SLC44A5: variants seen among roughly 807,000 people sequenced by gnomAD.
SLC44A5 encodes choline transporter-like protein 5.
Under a neutral mutation model 101.8 loss-of-function variants are expected in SLC44A5, and 57 were observed. That is an observed-to-expected ratio of 0.56 (90% confidence interval 0.45 to 0.70). SLC44A5 has a LOEUF of 0.70. Ranked by LOEUF, SLC44A5 falls within the 30% of genes least tolerant of loss-of-function variation. SLC44A5 has a pLI of 0.00. For synonymous variants in SLC44A5, 281 were observed against 290.9 expected (o/e 0.97, Z 0.35); for missense variants, 737 against 853.1 (o/e 0.86, Z 1.70).
At chr1:75,623,604 T>C in the SLC44A5 span, among the ~76,000 whole-genome samples, 1 of 152,106 alleles carries the variant, frequency 6.6e-6, no homozygotes, top group Non-Finnish European at 1.5e-5. Context: ...TTTTTTAAAA[T>C]GGACCATCTT....
At chr1:75,523,479 A>AT (rs143539892) in intron 2 of SLC44A5, among the ~76,000 whole-genome samples, 1,857 of 145,060 alleles carry the variant, frequency 0.013, 17 homozygotes, top group African/African-American at 0.014. Context: ...CGCCCAGCTA[A>AT]TTTTTTTTTT....
Position 75,550,069 on chromosome 1 carries a change from T to A in SLC44A5, c.-69-8553A>T, listed in dbSNP as rs192984073. 1.1e-3 allele frequency among the ~76,000 whole-genome samples: 163 copies of A among 152,222 alleles called. 1 individual carries two copies. Among genetic ancestry groups the A allele is most frequent in the Non-Finnish European group, 5.0e-4 (34 of 67,990 alleles). On this transcript the variant is annotated intron_variant, in intron 1 of 23. Transcript: ENST00000370859. Reference sequence around the variant, plus strand: ...ATAGTTTTCATTTTTAAAAGATTATTCTGCTGAGTTGAAAACAGGCATTCA... The same window carrying A: ...ATAGTTTTCATTTTTAAAAGATTATACTGCTGAGTTGAAAACAGGCATTCA...
chr1:75,417,114 C>G (rs975228559), intron 2 of SLC44A5, among the ~76,000 whole-genome samples: 1 of 152,154 alleles, frequency 6.6e-6, no homozygotes, highest in African/African-American at 2.4e-5. Context: ...TGTCCCCACT[C>G]TAATCTCATC....
intron 4 of SLC44A5, among the ~76,000 whole-genome samples, chr1:75,330,106 T>TATAC (rs1171615879): frequency 3.3e-4 from 43 of 128,576 alleles, no homozygotes; most frequent in African/African-American, 1.1e-3. Flanking sequence ...TATATATATA[T>TATAC]ACACACACAC....
chr1:75,265,213 C>T (rs1650888030), intron 6 of SLC44A5, among the ~76,000 whole-genome samples: 1 of 152,142 alleles, frequency 6.6e-6, no homozygotes, highest in African/African-American at 2.4e-5. Flanking sequence ...TCAAACTATT[C>T]CAGAAAATTG....
chr1:75,277,040 G>T lies in SLC44A5; in HGVS notation c.176-1998C>A, dbSNP rs574158512. On this transcript the variant is annotated intron_variant, in intron 5 of 23. Coordinates refer to ENST00000370859, the MANE Select transcript of SLC44A5 (RefSeq NM_001130058.2). Reference sequence around the variant, plus strand: ...TTTCATCATCAATTAATTAAGTAAAGGATTTACTAAATGATCATGATGTGT... The same window carrying T: ...TTTCATCATCAATTAATTAAGTAAATGATTTACTAAATGATCATGATGTGT... Among the ~76,000 whole-genome samples, 6 of 152,168 alleles carry T rather than the reference G, an allele frequency of 3.9e-5. No homozygotes were observed. In the South Asian group the frequency reaches 1.2e-3, roughly 32 times the overall value.
At chr1:75,414,213 C>A (rs1263260834) in intron 2 of SLC44A5, among the ~76,000 whole-genome samples, 1 of 151,890 alleles carries the variant, frequency 6.6e-6, no homozygotes, top group Non-Finnish European at 1.5e-5. Flanking sequence ...TCATATTCTT[C>A]CCGACCACTG....
the SLC44A5 span, among the ~76,000 whole-genome samples, chr1:75,684,646 T>C: frequency 5.9e-5 from 9 of 152,202 alleles, no homozygotes; most frequent in Middle Eastern, 3.2e-3. Flanking sequence ...TTTAACTCCA[T>C]GTCTCACATC....
At chr1:75,524,913 TG>T (rs1263216918) in intron 2 of SLC44A5, among the ~76,000 whole-genome samples, 1 of 152,156 alleles carries the variant, frequency 6.6e-6, no homozygotes, top group South Asian at 2.1e-4. Flanking sequence ...CTGATGATTT[TG>T]GTTTTTCTCT....
Position 75,330,134 on chromosome 1 carries a change from CACACACAT to C in SLC44A5, c.101+9440_101+9447del, listed in dbSNP as rs1656917548. Among the ~76,000 whole-genome samples the C allele has an allele frequency of 8.0e-5, 8 of 100,486 alleles. No individual in the cohort carries two copies. The South Asian group carries it at 2.3e-3, about 29-fold the overall frequency. The allele number at this position is 100,486 out of a possible 152,430, so 65.9% of individuals were successfully genotyped here. On this transcript the variant is annotated intron_variant, in intron 4 of 23. Coordinates refer to ENST00000370859, the MANE Select transcript of SLC44A5 (RefSeq NM_001130058.2). ...ACACACACACACACACACACACACACACACACATGCATATACGTATATGCATATATATA... is the reference window on the plus strand; with the variant it reads ...ACACACACACACACACACACACACACGCATATACGTATATGCATATATATA...
At chr1:75,478,491 T>C (rs970267811) in intron 2 of SLC44A5, among the ~76,000 whole-genome samples, 1 of 152,302 alleles carries the variant, frequency 6.6e-6, no homozygotes, top group East Asian at 1.9e-4. Context: ...ATCAGTGTGC[T>C]GTATTCAGGA....
At chr1:75,232,771 T>C (rs769722538) in intron 12 of SLC44A5, among the ~76,000 whole-genome samples, 1 of 152,168 alleles carries the variant, frequency 6.6e-6, no homozygotes, top group Non-Finnish European at 1.5e-5. Flanking sequence ...ATTATTATGC[T>C]GATATTATAG....
chr1:75,419,162 C>A (rs1263089071), intron 2 of SLC44A5, among the ~76,000 whole-genome samples: 2 of 151,872 alleles, frequency 1.3e-5, no homozygotes, highest in Non-Finnish European at 2.9e-5. Context: ...CAATAAGAAT[C>A]CCCAAAGCAG....
intron 1 of SLC44A5, among the ~76,000 whole-genome samples, chr1:75,583,342 T>C (rs1183662004): frequency 6.6e-6 from 1 of 152,190 alleles, no homozygotes; most frequent in Non-Finnish European, 1.5e-5. Context: ...ATTAAGTACA[T>C]TTGCAGATTC....
chr1:75,445,417 C>T (rs1037365396), intron 2 of SLC44A5, among the ~76,000 whole-genome samples: 3 of 148,130 alleles, frequency 2.0e-5, no homozygotes, highest in South Asian at 2.2e-4. Flanking sequence ...TTTTAAATTA[C>T]TCAGCCTCAG....
At chr1:75,570,623 A>T (rs546172570) in intron 1 of SLC44A5, among the ~76,000 whole-genome samples, 1 of 152,288 alleles carries the variant, frequency 6.6e-6, no homozygotes, top group East Asian at 1.9e-4. Flanking sequence ...TAAAATGAGA[A>T]TTTGTGCCAG....
intron 6 of SLC44A5, among the ~76,000 whole-genome samples, chr1:75,261,138 CA>C (rs1650466649): frequency 6.6e-6 from 1 of 152,018 alleles, no homozygotes; most frequent in Non-Finnish European, 1.5e-5. Flanking sequence ...CAAACAAATT[CA>C]AAAGCTAGCA....
At chr1:75,377,289 G>A (rs1660698082) in intron 3 of SLC44A5, among the ~76,000 whole-genome samples, 1 of 114,988 alleles carries the variant, frequency 8.7e-6, no homozygotes, top group Admixed American at 9.6e-5. Context: ...GGTGCAAGAT[G>A]TGCTTTGTTA....
At chr1:75,386,998 G>T (rs1248473533) in intron 3 of SLC44A5, among the ~76,000 whole-genome samples, 2 of 151,744 alleles carry the variant, frequency 1.3e-5, no homozygotes, top group Non-Finnish European at 1.5e-5. Context: ...GGGAAAACTG[G>T]CTAGCCATAT....
Sources: allele counts gnomAD v4.1 joint callset (sites outside exome capture counted in the v4.1 genomes callset), GRCh38; gene constraint gnomAD v4.1.1; transcripts MANE v1.5; gene names NCBI Gene and HGNC (gene_info 2026-07-23, HGNC 2026-07-21).